DDX55: variants seen among roughly 807,000 people sequenced by gnomAD.
DDX55 encodes the protein ATP-dependent RNA helicase DDX55.
In DDX55, 56 loss-of-function variants were observed where a neutral mutation model predicts 69.2. The ratio of observed to expected loss-of-function variants is 0.81; its 90% confidence interval spans 0.65 to 1.01. The LOEUF is 1.01. Ranked by LOEUF, DDX55 falls within the 50% of genes least tolerant of loss-of-function variation. The pLI is 0.00. For synonymous variants in DDX55, 268 were observed against 273.1 expected, an observed-to-expected ratio of 0.98 and a Z score of 0.18; for missense variants, 720 against 745.1, an observed-to-expected ratio of 0.97 and a Z score of 0.39.
At chr12:123,609,911 G>T in intron 6 of DDX55, 28 bp from the exon 7 acceptor site, 3 of 1,601,832 alleles carry the variant, frequency 1.9e-6, no homozygotes, top group Non-Finnish European at 2.6e-6. Flanking sequence ...GCAAGTGAGC[G>T]GTTAAGTGTG....
intron 1 of DDX55, among the ~76,000 whole-genome samples, chr12:123,603,742 C>T (rs182202021): frequency 5.4e-4 from 82 of 152,012 alleles, no homozygotes; most frequent in African/African-American, 1.9e-3. Context: ...GAATGACTGG[C>T]GTGCGTATCA....
At chr12:123,619,116 T>C (rs537346707) in intron 12 of DDX55, among the ~76,000 whole-genome samples, 11 of 152,320 alleles carry the variant, frequency 7.2e-5, no homozygotes, top group Middle Eastern at 3.4e-3. Context: ...CATTCTCCTG[T>C]CTCAGCCTCC....
At chr12:123,611,531 C>T (rs1954243798) in intron 7 of DDX55, among the ~76,000 whole-genome samples, 1 of 152,200 alleles carries the variant, frequency 6.6e-6, no homozygotes, top group Non-Finnish European at 1.5e-5. Flanking sequence ...TGGAGGGGTT[C>T]CCTAGCTCCT....
intron 12 of DDX55, 61 bp from the exon 13 acceptor site, chr12:123,619,371 G>T: frequency 1.3e-6 from 2 of 1,540,576 alleles, no homozygotes; most frequent in East Asian, 4.5e-5. Context: ...TATATTGTAA[G>T]CCATTACTGA....
rs1054057907 is a variant in DDX55 at position 123,617,828 on chromosome 12, C to T, written c.1120C>T (p.Pro374Ser). The change falls in exon 11 of 14, where the codon CCC becomes TCC. Residue 374 changes from proline (P) to serine (S), a missense_variant. Physicochemically the swap from Pro to Ser is moderately conservative, Grantham distance 74 (BLOSUM62 -1). Coordinates refer to ENST00000238146, the MANE Select transcript of DDX55 (RefSeq NM_020936.3). ...GGGCAGCGCTCTGGTGTTCCTCCTG[C>T]CCATGGAAGAGTCATACATCAATTT... ...HGGSALVFLL[P>S]MEESYINFLA... 3.7e-6 allele frequency: 6 copies of T among 1,614,002 alleles called. 1 individual carries two copies. The highest frequency in any genetic ancestry group is 3.3e-5 in the Admixed American group (2 of 59,996).
Position 123,619,512 on chromosome 12 carries a change from C to T in DDX55, c.1414C>T (p.Pro472Ser). The T allele has an allele frequency of 6.2e-7, 1 of 1,613,924 alleles. No homozygotes were observed. ...GCCAGAATTGAGAGGAAAGCAGTTT[C>T]CAGATTTTGTGCCCGTGGACGTTAA... ...KMPELRGKQF[P>S]DFVPVDVNTD... The change falls in exon 13 of 14, where the codon CCA becomes TCA. Residue 472 changes from proline (P) to serine (S), a missense_variant. By Grantham distance (74) the Pro-to-Ser change is moderately conservative. Transcript: ENST00000238146.
rs1158652615 is a variant in DDX55 at position 123,620,551 on chromosome 12, G to A, written c.*411G>A. ...AATAATAGATGTCAGTATTTATCAT[G>A]ATGGGTCACATATAGACATATGTAC... On this transcript the variant is annotated 3_prime_UTR_variant, in exon 14 of 14. Coordinates refer to ENST00000238146, the MANE Select transcript of DDX55 (RefSeq NM_020936.3). 3 of 132,088 alleles carry A rather than the reference G, an allele frequency of 2.3e-5. No homozygotes were observed. The highest frequency in any genetic ancestry group is 8.5e-5 in the African/African-American group (3 of 35,170). 8.2% of individuals were successfully genotyped at this position (132,088 alleles called of 1,614,324 possible).
At position 123,618,672 on chromosome 12, in the gene DDX55, C is replaced by A; in HGVS notation, c.1168C>A (p.Pro390Thr). The change falls in exon 12 of 14, where the codon CCC (proline) becomes ACC (threonine). Residue 390 changes from proline (P) to threonine (T), a missense_variant. Transcript: ENST00000238146. ...INFLAINQKCPLQEMKPQRNT... is the reference protein window; with the variant it reads ...INFLAINQKCTLQEMKPQRNT... ...TGTGGTATGTGTGTGTGTGTAGTGC[C>A]CCCTGCAGGAGATGAAGCCCCAGAG... The A allele has an allele frequency of 6.2e-7, 1 of 1,613,630 alleles. No homozygotes were observed. The highest frequency in any genetic ancestry group is 8.5e-7 in the Non-Finnish European group (1 of 1,179,784).
chr12:123,607,301 C>A (rs932361060), intron 3 of DDX55, 131 bp from the exon 4 acceptor site: 2 of 896,944 alleles, frequency 2.2e-6, no homozygotes, highest in African/African-American at 1.7e-5. Context: ...CTCAGAGATG[C>A]TGCTGAGAAA....
chr12:123,619,725 G>T lies in DDX55; in HGVS notation c.1626+1G>T. ...GAATGAGAAAAGGAAAAGGGAAGAG[G>T]TAAAGTTTACTTTTACTTACATTAA... On this transcript the variant is annotated splice_donor_variant, in intron 13 of 13. Transcript: ENST00000238146. LOFTEE classifies it high-confidence loss of function. The T allele has an allele frequency of 1.9e-6, 3 of 1,548,240 alleles. No homozygotes were observed. Among genetic ancestry groups the T allele is most frequent in the Non-Finnish European group, 1.7e-6 (2 of 1,153,302 alleles).
Position 123,606,124 on chromosome 12 carries a change from C to A in DDX55, c.211C>A (p.Leu71Ile), listed in dbSNP as rs755342549. Reference sequence around the variant, plus strand: ...TTTTGTCATCCCCATCCTGGAAATTCTTCTGAGAAGAGAAGAGAAGTTAAA... The same window carrying A: ...TTTTGTCATCCCCATCCTGGAAATTATTCTGAGAAGAGAAGAGAAGTTAAA... ...LAFVIPILEI[L>I]LRREEKLKKS... is the part of the protein sequence containing the mutation. Residue 71 changes from leucine to isoleucine, a missense_variant, in exon 3 of 14, where the codon CTT becomes ATT. Leu to Ile is a conservative substitution (Grantham distance 5, BLOSUM62 2). Transcript: ENST00000238146. 17 of 1,613,964 alleles carry A rather than the reference C, an allele frequency of 1.1e-5. No individual in the cohort carries two copies. Among genetic ancestry groups the A allele is most frequent in the Non-Finnish European group, 1.3e-5 (15 of 1,180,018 alleles).
In DDX55 at chr12:123,615,227, G is replaced by A. The variant is rs1228294949; in HGVS notation, c.867G>A (p.Val289=). 1 of 1,614,156 alleles carries A rather than the reference G, an allele frequency of 6.2e-7. No homozygotes were observed. The highest frequency in any genetic ancestry group is 2.2e-5 in the East Asian group (1 of 44,872). The change falls in exon 9 of 14, where the codon GTG becomes GTA. Residue 289 remains valine (V), a synonymous_variant. Coordinates refer to ENST00000238146, the MANE Select transcript of DDX55 (RefSeq NM_020936.3). Reference sequence around the variant, plus strand: ...AATACTATGGGAAGGCTCTGGAAGTGCTGGTGAAGGGCGTGAAGATTATGT... The same window carrying A: ...AATACTATGGGAAGGCTCTGGAAGTACTGGTGAAGGGCGTGAAGATTATGT... ...CVEYYGKALE[V]LVKGVKIMCI...
In DDX55 at chr12:123,620,616, ATAT is replaced by A. The variant is rs1566211501; in HGVS notation, c.*477_*479del. The A allele has an allele frequency of 9.6e-4, 117 of 122,512 alleles. 2 individuals carry two copies. The highest frequency in any genetic ancestry group is 2.9e-3 in the African/African-American group (85 of 29,600). 7.6% of individuals were successfully genotyped at this position (122,512 alleles called of 1,614,324 possible). On this transcript the variant is annotated 3_prime_UTR_variant, in exon 14 of 14. Coordinates refer to ENST00000238146, the MANE Select transcript of DDX55 (RefSeq NM_020936.3). ...TATATATATATATATATATATATAT[ATAT>A]ATATATATAAGCTCTTTTTTCTGAG...
In DDX55 at chr12:123,620,617, T is replaced by A. The variant is rs866140766; in HGVS notation, c.*477T>A. On this transcript the variant is annotated 3_prime_UTR_variant, in exon 14 of 14. Transcript: ENST00000238146. The stretch of plus-strand genomic sequence containing the variant: ...ATATATATATATATATATATATATA[T>A]ATATATATATAAGCTCTTTTTTCTG... The A allele has an allele frequency of 3.6e-3, 438 of 122,810 alleles. 10 individuals are homozygous for A. The highest frequency in any genetic ancestry group is 0.015 in the African/African-American group (425 of 29,154). The allele number at this position is 122,810 out of a possible 1,614,324, so 7.6% of individuals were successfully genotyped here.
intron 7 of DDX55, among the ~76,000 whole-genome samples, chr12:123,611,603 G>T (rs980690737): frequency 3.9e-5 from 6 of 152,226 alleles, no homozygotes; most frequent in Non-Finnish European, 8.8e-5. Flanking sequence ...TCCTATTGCT[G>T]CAGACTGTGA....
Position 123,617,752 on chromosome 12 carries a change from TCA to T in DDX55, c.1050-3_1050-2del. Reference sequence around the variant, plus strand: ...GGGTACCCATTTCCACCCTGTGTTCTCACAGTGCCTTCGTGCATCGCTGCGGT... The same window carrying T: ...GGGTACCCATTTCCACCCTGTGTTCTCAGTGCCTTCGTGCATCGCTGCGGT... On this transcript the variant is annotated splice_region_variant and splice_polypyrimidine_tract_variant and intron_variant, in intron 10 of 13. Transcript: ENST00000238146. 6.2e-7 allele frequency: 1 copy of T among 1,608,046 alleles called. No individual in the cohort carries two copies. The highest frequency in any genetic ancestry group is 8.5e-7 in the Non-Finnish European group (1 of 1,177,126).
chr12:123,615,093 C>T lies in DDX55; in HGVS notation c.825-92C>T, dbSNP rs558289926. On this transcript the variant is annotated intron_variant, in intron 8 of 13. Transcript: ENST00000238146. ...CTAGGGAGGGCTTGTAGTTAGGTTGCGTCTGCTGCAGCTATTGCTCACTGT... is the reference window on the plus strand; with the variant it reads ...CTAGGGAGGGCTTGTAGTTAGGTTGTGTCTGCTGCAGCTATTGCTCACTGT... 7.7e-6 allele frequency: 12 copies of T among 1,551,930 alleles called. No individual in the cohort carries two copies. The South Asian group carries it at 1.1e-4, about 15-fold the overall frequency.
Position 123,620,145 on chromosome 12 carries a change from A to C in DDX55, c.*5A>C, listed in dbSNP as rs1194848095. ...GATTTGGAAGATGACTGCTGATTCCAGTGCCACAGATGAACCCACAAGGAC... is the reference window on the plus strand; with the variant it reads ...GATTTGGAAGATGACTGCTGATTCCCGTGCCACAGATGAACCCACAAGGAC... On this transcript the variant is annotated 3_prime_UTR_variant, in exon 14 of 14. Coordinates refer to ENST00000238146, the MANE Select transcript of DDX55 (RefSeq NM_020936.3). 6.2e-7 allele frequency: 1 copy of C among 1,612,656 alleles called. No homozygotes were observed. The highest frequency in any genetic ancestry group is 1.7e-5 in the Admixed American group (1 of 59,864).
At chr12:123,619,256 G>T (rs1393405434) in intron 12 of DDX55, among the ~76,000 whole-genome samples, 176 bp from the exon 13 acceptor site, 1 of 152,206 alleles carries the variant, frequency 6.6e-6, no homozygotes, top group African/African-American at 2.4e-5. Flanking sequence ...GCCCACCTCG[G>T]CCTCGCAAAG....
Sources: allele counts gnomAD v4.1 joint callset (sites outside exome capture counted in the v4.1 genomes callset), GRCh38; gene constraint gnomAD v4.1.1; transcripts MANE v1.5; gene names NCBI Gene and HGNC (gene_info 2026-07-23, HGNC 2026-07-21).